WHRN: variants seen among roughly 807,000 people sequenced by gnomAD.
The protein encoded by WHRN is CASK-interacting protein CIP98.
Under a neutral mutation model 68.3 loss-of-function variants are expected in WHRN, and 41 were observed. The observed-to-expected ratio is 0.60, with a 90% CI of 0.47 to 0.78. WHRN has a LOEUF of 0.78. Ranked by LOEUF, WHRN falls within the 30% of genes least tolerant of loss-of-function variation. The pLI is 0.00. For missense variants in WHRN, 1,243 were observed against 1,244.7 expected, an observed-to-expected ratio of 1.00 and a Z score of 0.02; for synonymous variants, 560 against 561.3, an observed-to-expected ratio of 1.00 and a Z score of 0.03.
At chr9:114,424,061 G>A (rs1005295990) in intron 6 of WHRN, among the ~76,000 whole-genome samples, 4 of 152,186 alleles carry the variant, frequency 2.6e-5, no homozygotes, top group East Asian at 1.9e-4. Flanking sequence ...AATGGGGCCC[G>A]AGCACTGCTT....
At chr9:114,472,432 C>A (rs1043367003) in intron 2 of WHRN, among the ~76,000 whole-genome samples, 2 of 152,218 alleles carry the variant, frequency 1.3e-5, no homozygotes, top group Admixed American at 6.5e-5. Flanking sequence ...TAGGACGGAT[C>A]CGTGTATGAT....
intron 1 of WHRN, among the ~76,000 whole-genome samples, chr9:114,483,960 T>C (rs1276664763): frequency 1.3e-5 from 2 of 152,224 alleles, no homozygotes; most frequent in African/African-American, 4.8e-5. Context: ...TATGGGCACC[T>C]GACTTCTGGG....
At chr9:114,465,571 T>C (rs1840610079) in intron 3 of WHRN, among the ~76,000 whole-genome samples, 1 of 152,148 alleles carries the variant, frequency 6.6e-6, no homozygotes, top group Non-Finnish European at 1.5e-5. Flanking sequence ...TTTAATTTGG[T>C]GATGGGTGTC....
In WHRN at chr9:114,489,498, A is replaced by G. The variant is rs1564222806; in HGVS notation, c.619-10727T>C. On this transcript the variant is annotated intron_variant, in intron 1 of 11. Transcript: ENST00000362057. Reference sequence around the variant, plus strand: ...CACACACGCACACACACGTACACACACACACGCACACACGCGTGCACACAC... The same window carrying G: ...CACACACGCACACACACGTACACACGCACACGCACACACGCGTGCACACAC... Among the ~76,000 whole-genome samples the G allele has an allele frequency of 7.3e-3, 858 of 118,156 alleles. 11 individuals carry two copies. The highest frequency in any genetic ancestry group is 0.026 in the African/African-American group (815 of 31,828). 77.5% of individuals were successfully genotyped at this position (118,156 alleles called of 152,430 possible).
intron 3 of WHRN, among the ~76,000 whole-genome samples, chr9:114,443,341 T>C (rs1838543776): frequency 6.6e-6 from 1 of 152,238 alleles, no homozygotes; most frequent in Non-Finnish European, 1.5e-5. Context: ...AAAATCAAGA[T>C]GTCAGCAGGA....
chr9:114,424,878 G>T, intron 5 of WHRN, 110 bp downstream of exon 5: 3 of 1,221,162 alleles, frequency 2.5e-6, no homozygotes, highest in East Asian at 2.5e-5. Context: ...ATAAGGGGCT[G>T]CCCAGTTGGA....
intron 2 of WHRN, chr9:114,478,232 G>A (rs960022303): frequency 1.4e-5 from 9 of 634,330 alleles, no homozygotes; most frequent in Admixed American, 2.6e-5. Context: ...AGGTTGCAGC[G>A]AGCCAGGATC....
Position 114,402,493 on chromosome 9 carries a change from C to T in WHRN, c.*261G>A, listed in dbSNP as rs1834752750. 2 of 544,562 alleles carry T rather than the reference C, an allele frequency of 3.7e-6. No individual in the cohort carries two copies. Among genetic ancestry groups the T allele is most frequent in the Non-Finnish European group, 6.6e-6 (2 of 302,028 alleles). The allele number at this position is 544,562 out of a possible 1,614,324, so 33.7% of individuals were successfully genotyped here. A position where few individuals can be genotyped will look rare whatever the true frequency, so the allele number is the denominator to read the frequency against. On this transcript the variant is annotated 3_prime_UTR_variant, in exon 12 of 12. Transcript: ENST00000362057. ...AGCACTCTGCCCTTCCTTTTCCTTT[C>T]TTCCTGTCTTGCAACCCACTTGTCC...
At chr9:114,463,719 C>T (rs1009080830) in intron 3 of WHRN, among the ~76,000 whole-genome samples, 4 of 152,202 alleles carry the variant, frequency 2.6e-5, no homozygotes, top group African/African-American at 7.2e-5. Flanking sequence ...AAATTCCATA[C>T]AGAATATTAT....
At chr9:114,418,247 A>G (rs1835972805) in intron 7 of WHRN, among the ~76,000 whole-genome samples, 1 of 152,094 alleles carries the variant, frequency 6.6e-6, no homozygotes, top group African/African-American at 2.4e-5. Context: ...CTCCTGAGGA[A>G]GGGTGAGCAA....
chr9:114,414,263 C>T (rs981960435), intron 7 of WHRN, among the ~76,000 whole-genome samples: 1 of 152,188 alleles, frequency 6.6e-6, no homozygotes, highest in Non-Finnish European at 1.5e-5. Flanking sequence ...ACAGTTACAG[C>T]AGTTACTGAC....
intron 1 of WHRN, among the ~76,000 whole-genome samples, chr9:114,488,280 C>T (rs1306946112): frequency 6.6e-6 from 1 of 152,152 alleles, no homozygotes; most frequent in Non-Finnish European, 1.5e-5. Flanking sequence ...TTGCACTGGG[C>T]AGGGCGCACA....
rs780893526 is a variant in WHRN, at chr9:114,403,940, C to T, written c.2374G>A (p.Glu792Lys). ...SVSTKSRSSKELPRNERPTDG... is the reference protein window; with the variant it reads ...SVSTKSRSSKKLPRNERPTDG... ...GTGGGCCTCTCGTTCCGAGGCAGCT[C>T]CTTGCTACTCCTGCTCTTGGTGGAC... The change falls in exon 10 of 12, where the codon GAG (glutamate) becomes AAG (lysine). Residue 792 changes from glutamate to lysine, a missense_variant. Coordinates refer to ENST00000362057, the MANE Select transcript of WHRN (RefSeq NM_015404.4). 1.2e-6 allele frequency: 2 copies of T among 1,611,178 alleles called. No individual in the cohort carries two copies. Among genetic ancestry groups the T allele is most frequent in the African/African-American group, 2.7e-5 (2 of 74,938 alleles).
At chr9:114,499,641 C>A (rs1310507906) in intron 1 of WHRN, among the ~76,000 whole-genome samples, 1 of 152,230 alleles carries the variant, frequency 6.6e-6, no homozygotes, top group East Asian at 1.9e-4. Context: ...TCTGAGGAGA[C>A]TGTACATGTG....
rs145375027 is a variant in WHRN at position 114,417,997 on chromosome 9, G to C, written c.1626+5317C>G. ...TTTCTTGAGAGCACACTGCCTGGGAGAGACAGAGTGGAGTACCGGTGTGGG... is the reference window on the plus strand; with the variant it reads ...TTTCTTGAGAGCACACTGCCTGGGACAGACAGAGTGGAGTACCGGTGTGGG... On this transcript the variant is annotated intron_variant, in intron 7 of 11. Coordinates refer to ENST00000362057, the MANE Select transcript of WHRN (RefSeq NM_015404.4). Among the ~76,000 whole-genome samples the C allele has an allele frequency of 1.3e-3, 204 of 152,344 alleles. 2 individuals carry two copies. In the East Asian group the frequency reaches 0.036, roughly 27 times the overall value.
rs1840677408 is a variant in WHRN, at chr9:114,466,232, G to A, written c.963+35C>T. 2.5e-6 allele frequency: 4 copies of A among 1,612,948 alleles called. No individual in the cohort carries two copies. The South Asian group carries it at 3.3e-5, about 13-fold the overall frequency. On this transcript the variant is annotated intron_variant, in intron 3 of 11. Coordinates refer to ENST00000362057, the MANE Select transcript of WHRN (RefSeq NM_015404.4). ...TAAAATCAGCAGCAAAGAGCTCCAT[G>A]CACAGAGTTTTCCCTCCCTCAGGCC...
intron 7 of WHRN, among the ~76,000 whole-genome samples, chr9:114,420,901 G>A (rs1836226631): frequency 6.6e-6 from 1 of 152,012 alleles, no homozygotes; most frequent in Non-Finnish European, 1.5e-5. Flanking sequence ...CTGCAAAAGA[G>A]GAAATCAAGG....
At chr9:114,431,561 C>T (rs1224087818) in intron 3 of WHRN, among the ~76,000 whole-genome samples, 2 of 152,218 alleles carry the variant, frequency 1.3e-5, no homozygotes, top group Non-Finnish European at 2.9e-5. Flanking sequence ...ACCCGGCCTT[C>T]CTCCTCTCTT....
intron 7 of WHRN, among the ~76,000 whole-genome samples, chr9:114,413,703 A>C (rs1452839113): frequency 6.6e-6 from 1 of 152,062 alleles, no homozygotes; most frequent in Non-Finnish European, 1.5e-5. Context: ...CACAAGAACA[A>C]CCTCAACACT....
Sources: allele counts gnomAD v4.1 joint callset (sites outside exome capture counted in the v4.1 genomes callset), GRCh38; gene constraint gnomAD v4.1.1; transcripts MANE v1.5; gene names NCBI Gene and HGNC (gene_info 2026-07-23, HGNC 2026-07-21).